Variants in TRPM5 observed in about 807,000 individuals in gnomAD.
TRPM5 encodes the protein transient receptor potential cation channel subfamily M member 5, also known as MLSN1 and TRP-related.
TRPM5 carries 121 observed loss-of-function variants against 124.9 expected under a neutral mutation model. That is an observed-to-expected ratio of 0.97 (90% CI 0.84 to 1.13). The LOEUF (loss-of-function observed/expected upper bound fraction) is 1.13, where lower values mean the gene tolerates loss of function less well. Among genes scored for constraint, TRPM5 ranks in the 50% most tolerant of loss-of-function variants. TRPM5 has a pLI of 0.00. For missense variants in TRPM5, 1,643 were observed against 1,589.1 expected (o/e 1.03, Z -0.58); for synonymous variants, 781 against 700.5 (o/e 1.11, Z -1.81).
chr11:2,420,104 G>A (rs536259999), intron 4 of TRPM5, 118 bp downstream of exon 9: 54 of 1,229,236 alleles, frequency 4.4e-5, no homozygotes, highest in Non-Finnish European at 5.4e-5. Flanking sequence ...TGCGGGGTGC[G>A]TTCTGCCTGG....
rs143830936 is a variant in TRPM5, at chr11:2,412,879, C to T, written c.2230G>A (p.Ala744Thr). Reference sequence around the variant, plus strand: ...ACGTAGGTGAACAGGAAGAGGAAGGCGAAGTACATGACCACGTTCCCCAGG... The same window carrying T: ...ACGTAGGTGAACAGGAAGAGGAAGGTGAAGTACATGACCACGTTCCCCAGG... Residue 744 changes from alanine to threonine, a missense_variant, in exon 15 of 24, where the codon GCC becomes ACC. Physicochemically the swap from Ala to Thr is moderately conservative, Grantham distance 58. Transcript: ENST00000155858. 206 of 1,597,788 alleles carry T rather than the reference C, an allele frequency of 1.3e-4. No homozygotes were observed. Among genetic ancestry groups the T allele is most frequent in the Non-Finnish European group, 1.7e-4 (195 of 1,172,954 alleles).
the TRPM5 span, among the ~76,000 whole-genome samples, chr11:2,438,218 C>T: frequency 2.0e-5 from 3 of 152,194 alleles, no homozygotes; most frequent in Admixed American, 6.5e-5. The surrounding 1 kb of genome is among the most constrained non-coding windows in gnomAD (Gnocchi z 5.9). Flanking sequence ...GACAAACCCA[C>T]AGTCAACATC....
exon 20 of TRPM5, chr11:2,407,164 G>A (rs764176963): frequency 8.1e-6 from 13 of 1,610,600 alleles, no homozygotes; most frequent in South Asian, 2.2e-5. Context: ...AAGACCCGGC[G>A]GAGCGTCAGG....
chr11:2,405,534 G>A (rs1195360929), exon 23 of TRPM5: 2 of 1,560,128 alleles, frequency 1.3e-6, no homozygotes, highest in Non-Finnish European at 1.7e-6. Context: ...TACTCCGGGG[G>A]CCGCCACCCT....
chr11:2,437,158 G>T, the TRPM5 span, among the ~76,000 whole-genome samples: 1 of 152,222 alleles, frequency 6.6e-6, no homozygotes, highest in Admixed American at 6.5e-5. The surrounding 1 kb of genome is among the most constrained non-coding windows in gnomAD (Gnocchi z 5.6). Flanking sequence ...GTGACAAAAA[G>T]GCTCTTTCAC....
intron 7 of TRPM5, among the ~76,000 whole-genome samples, 165 bp from the exon 13 acceptor site, chr11:2,416,189 G>A (rs573155508): frequency 4.6e-5 from 7 of 152,232 alleles, no homozygotes; most frequent in Non-Finnish European, 1.0e-4. Context: ...CAGGAGGCAC[G>A]AGACTTTGTA....
chr11:2,410,850 G>C (rs917565181), intron 18 of TRPM5, among the ~76,000 whole-genome samples: 2 of 152,150 alleles, frequency 1.3e-5, no homozygotes, highest in Non-Finnish European at 2.9e-5. Flanking sequence ...TTGCCAGCAG[G>C]ACGGCGTAGG....
At chr11:2,422,656 GC>G (rs973547512) in intron 1 of TRPM5, among the ~76,000 whole-genome samples, 4 of 151,584 alleles carry the variant, frequency 2.6e-5, no homozygotes, top group African/African-American at 4.9e-5. Context: ...CAGAGGTGGG[GC>G]CCTGGATGCA....
intron 3 of TRPM5, 48 bp from the exon 9 acceptor site, chr11:2,420,453 G>A: frequency 6.8e-7 from 1 of 1,481,104 alleles, no homozygotes; most frequent in East Asian, 2.5e-5. Flanking sequence ...AGGCAGCTTG[G>A]GCTGGTCCCG....
At chr11:2,430,760 T>G in the TRPM5 span, among the ~76,000 whole-genome samples, 84 of 58,596 alleles carry the variant, frequency 1.4e-3, 1 homozygote, top group Middle Eastern at 0.014. Context: ...TGGTGGTGGT[T>G]TTGGTGGTGG....
intron 23 of TRPM5, 58 bp downstream of exon 28, chr11:2,405,469 C>A: frequency 2.0e-6 from 3 of 1,511,410 alleles, no homozygotes; most frequent in Non-Finnish European, 2.7e-6. Flanking sequence ...GGCCCCCCAG[C>A]CGCTGCAGAG....
chr11:2,406,995 G>A (rs1850335601), intron 20 of TRPM5, 124 bp downstream of exon 25: 1 of 1,347,406 alleles, frequency 7.4e-7, no homozygotes, highest in East Asian at 2.5e-5. Context: ...ACAGAGCCCA[G>A]CTGAGGACCC....
chr11:2,417,706 G>GGGGCCCC, intron 7 of TRPM5, 21 bp downstream of exon 12: 4 of 1,087,294 alleles, frequency 3.7e-6, no homozygotes, highest in Non-Finnish European at 5.5e-6. Flanking sequence ...CGCCTGCCTT[G>GGGGCCCC]CCCACCCTGC....
exon 8 of TRPM5, chr11:2,415,981 C>G (rs757147411): frequency 1.3e-6 from 2 of 1,586,536 alleles, no homozygotes; most frequent in Non-Finnish European, 1.7e-6. Context: ...CCAGCTTGAG[C>G]TCATCCAGAT....
At chr11:2,438,076 A>G in the TRPM5 span, among the ~76,000 whole-genome samples, 1 of 152,186 alleles carries the variant, frequency 6.6e-6, no homozygotes, top group Admixed American at 6.5e-5. This position sits in a 1 kb window ranked among gnomAD's most constrained non-coding sequence, Gnocchi z 5.9. Flanking sequence ...TAAACAGAAC[A>G]AAAAAACCAT....
chr11:2,432,899 G>T, the TRPM5 span, among the ~76,000 whole-genome samples: 1 of 152,188 alleles, frequency 6.6e-6, no homozygotes, highest in Non-Finnish European at 1.5e-5. Context: ...GGGGCAGCCC[G>T]AAGCCATGCA....
chr11:2,432,995 G>A, the TRPM5 span, among the ~76,000 whole-genome samples: 1 of 152,242 alleles, frequency 6.6e-6, no homozygotes, highest in African/African-American at 2.4e-5. Context: ...CAGCAGTGGA[G>A]ACCAGGAGTC....
chr11:2,422,296 G>A, exon 2 of TRPM5: 1 of 1,611,770 alleles, frequency 6.2e-7, no homozygotes, highest in Non-Finnish European at 8.5e-7. Context: ...CACAGACGGG[G>A]CCACTCCGCT....
chr11:2,415,073 T>G, intron 9 of TRPM5, 26 bp from the exon 15 acceptor site: 1 of 1,591,976 alleles, frequency 6.3e-7, no homozygotes, highest in Non-Finnish European at 8.5e-7. Context: ...GTCGGCCTCC[T>G]GCTGCGGCCC....
Sources: allele counts gnomAD v4.1 joint callset (sites outside exome capture counted in the v4.1 genomes callset), GRCh38; gene constraint gnomAD v4.1.1; non-coding constraint Gnocchi (gnomAD v3.1); transcripts MANE v1.5; gene names NCBI Gene and HGNC (gene_info 2026-07-23, HGNC 2026-07-21).